Variants in RIN2 observed in about 807,000 individuals in gnomAD.
RIN2 encodes Ras and Rab interactor 2.
Under a neutral mutation model 78.0 loss-of-function variants are expected in RIN2, and 36 were observed. The ratio of observed to expected loss-of-function variants is 0.46; its 90% confidence interval spans 0.35 to 0.61. The LOEUF is 0.61. Among genes scored for constraint, RIN2 ranks in the 20% least tolerant of loss-of-function variants. The probability of loss-of-function intolerance (pLI) is 0.00; values close to 1 mark genes in which losing one functional copy is unlikely to be tolerated. For synonymous variants in RIN2, 466 were observed against 466.8 expected, an observed-to-expected ratio of 1.00 and a Z score of 0.02; for missense variants, 1,087 against 1,159.7, an observed-to-expected ratio of 0.94 and a Z score of 0.91.
chr20:19,834,024 G>T (rs554736240), intron 2 of RIN2, among the ~76,000 whole-genome samples: 1 of 152,084 alleles, frequency 6.6e-6, no homozygotes, highest in Non-Finnish European at 1.5e-5. Context: ...CCAGTGGCCT[G>T]GTAACCCACA....
chr20:19,782,045 C>G (rs890833313), intron 1 of RIN2, among the ~76,000 whole-genome samples: 1 of 152,150 alleles, frequency 6.6e-6, no homozygotes, highest in Non-Finnish European at 1.5e-5. Flanking sequence ...GTGTTAATGA[C>G]AAGACAGTTA....
chr20:19,782,939 C>T (rs1341958604), intron 1 of RIN2, among the ~76,000 whole-genome samples: 1 of 152,212 alleles, frequency 6.6e-6, no homozygotes, highest in Non-Finnish European at 1.5e-5. Context: ...ACAGGAGGAG[C>T]CTAGAATGCC....
At chr20:19,789,918 C>T (rs2034836850) in intron 1 of RIN2, among the ~76,000 whole-genome samples, 3 of 152,198 alleles carry the variant, frequency 2.0e-5, no homozygotes, top group Non-Finnish European at 4.4e-5. Flanking sequence ...ACTCACATGA[C>T]AGAGGCTTCC....
At chr20:19,907,937 CG>C (rs988606357) in intron 3 of RIN2, among the ~76,000 whole-genome samples, 9 of 152,100 alleles carry the variant, frequency 5.9e-5, no homozygotes, top group Non-Finnish European at 1.0e-4. Flanking sequence ...GGTGCTAAGA[CG>C]ATGGAGGATT....
At chr20:19,908,165 C>A (rs2039299858) in intron 3 of RIN2, among the ~76,000 whole-genome samples, 1 of 152,122 alleles carries the variant, frequency 6.6e-6, no homozygotes, top group African/African-American at 2.4e-5. Context: ...ATCCAAGAGG[C>A]ATTATGTTGT....
At chr20:19,998,365 G>C (rs956065366) in intron 12 of RIN2, among the ~76,000 whole-genome samples, 4 of 152,054 alleles carry the variant, frequency 2.6e-5, no homozygotes, top group African/African-American at 9.7e-5. Flanking sequence ...TAGAGGCTAA[G>C]GCAGGAAGAT....
At chr20:19,940,657 C>T (rs2040832424) in intron 4 of RIN2, among the ~76,000 whole-genome samples, 1 of 152,254 alleles carries the variant, frequency 6.6e-6, no homozygotes, top group Non-Finnish European at 1.5e-5. Context: ...CCTCTCTTCC[C>T]ACTGCATCCC....
At chr20:19,978,289 A>G (rs556777981) in intron 9 of RIN2, among the ~76,000 whole-genome samples, 6 of 152,368 alleles carry the variant, frequency 3.9e-5, no homozygotes, top group South Asian at 2.1e-4. Context: ...GTAGGAGGAG[A>G]TAATACACTG....
intron 3 of RIN2, among the ~76,000 whole-genome samples, chr20:19,890,297 G>A (rs2038389257): frequency 1.3e-5 from 2 of 152,102 alleles, no homozygotes; most frequent in African/African-American, 4.8e-5. Context: ...CTGTGTGTGT[G>A]TATTTAATGA....
At chr20:19,924,164 C>T (rs1159591214) in intron 3 of RIN2, among the ~76,000 whole-genome samples, 1 of 103,428 alleles carries the variant, frequency 9.7e-6, no homozygotes, top group Non-Finnish European at 2.0e-5. Context: ...TCTTTATACC[C>T]CCACCTTCAT....
chr20:19,915,607 G>T (rs1247867560), intron 3 of RIN2, among the ~76,000 whole-genome samples: 1 of 152,180 alleles, frequency 6.6e-6, no homozygotes, highest in Non-Finnish European at 1.5e-5. Flanking sequence ...CAGAGCGCAG[G>T]TTCCAAATGA....
chr20:19,798,446 A>T (rs2035133966), intron 1 of RIN2, among the ~76,000 whole-genome samples: 1 of 151,998 alleles, frequency 6.6e-6, no homozygotes, highest in African/African-American at 2.4e-5. Context: ...GTCAGAGTCC[A>T]GTTATAGAGC....
chr20:19,933,169 T>TGATC (rs1217319682), intron 3 of RIN2, among the ~76,000 whole-genome samples: 1 of 152,206 alleles, frequency 6.6e-6, no homozygotes, highest in African/African-American at 2.4e-5. Flanking sequence ...AGTGCCAAGG[T>TGATC]GATCGGTTTA....
chr20:19,790,771 T>C (rs1217092992), intron 1 of RIN2, among the ~76,000 whole-genome samples: 2 of 152,178 alleles, frequency 1.3e-5, no homozygotes, highest in Non-Finnish European at 2.9e-5. Context: ...TATTCCTTAG[T>C]TCAGGTCTCT....
At chr20:19,994,485 T>A (rs903948678) in intron 11 of RIN2, among the ~76,000 whole-genome samples, 4 of 152,226 alleles carry the variant, frequency 2.6e-5, no homozygotes, top group African/African-American at 9.7e-5. Flanking sequence ...GGTTATAGTC[T>A]TGCTGAAATT....
At chr20:20,000,541 C>T in intron 12 of RIN2, 72 bp from the exon 13 acceptor site, 1 of 1,241,394 alleles carries the variant, frequency 8.1e-7, no homozygotes, top group Non-Finnish European at 1.1e-6. Context: ...TTACCCCCTC[C>T]CCTGGTCCCC....
chr20:19,802,617 C>T (rs1450757700), intron 2 of RIN2, among the ~76,000 whole-genome samples: 1 of 152,084 alleles, frequency 6.6e-6, no homozygotes, highest in Non-Finnish European at 1.5e-5. Context: ...AATTCCTTGG[C>T]AAGCAGTCAG....
chr20:19,907,084 A>G (rs2039250199), intron 3 of RIN2, among the ~76,000 whole-genome samples: 1 of 152,172 alleles, frequency 6.6e-6, no homozygotes, highest in Admixed American at 6.5e-5. Context: ...GTGGAAGGGC[A>G]GCAGAGAGTA....
chr20:19,791,235 G>GAT lies in RIN2; in HGVS notation c.-162-8380_-162-8379dup, dbSNP rs532414975. ...TAGAAATGATTGGAAAATTATCACAGATATATATGTATTTCTAAAACTACT... is the reference window on the plus strand; with the variant it reads ...TAGAAATGATTGGAAAATTATCACAGATATATATATGTATTTCTAAAACTACT... On this transcript the variant is annotated intron_variant, in intron 1 of 12. Transcript: ENST00000255006. 2.4e-4 allele frequency among the ~76,000 whole-genome samples: 37 copies of GAT among 152,044 alleles called. No individual in the cohort carries two copies. The East Asian group carries it at 6.8e-3, about 28-fold the overall frequency.
Sources: gnomAD v4.1 joint callset for allele counts (sites outside exome capture counted in the v4.1 genomes callset) on GRCh38, gnomAD v4.1.1 for gene constraint, MANE v1.5 for transcripts, NCBI Gene and HGNC (gene_info 2026-07-23, HGNC 2026-07-21) for gene names.